Variants in NRG3 observed in about 807,000 individuals in gnomAD.
NRG3 encodes the protein neuregulin 3, also known as pro-neuregulin-3, membrane-bound isoform.
In NRG3, 31 loss-of-function variants were observed where a neutral mutation model predicts 66.9. The ratio of observed to expected loss-of-function variants is 0.46; its 90% confidence interval spans 0.35 to 0.63. The LOEUF is 0.63. Ranked by LOEUF, NRG3 falls within the 20% of genes least tolerant of loss-of-function variation. NRG3 has a pLI of 0.00. For missense variants in NRG3, 910 were observed against 878.9 expected (o/e 1.04, Z -0.45); for synonymous variants, 393 against 359.4 (o/e 1.09, Z -1.06).
intron 2 of NRG3, among the ~76,000 whole-genome samples, chr10:82,703,440 T>C (rs2056050580): frequency 6.6e-6 from 1 of 152,140 alleles, no homozygotes; most frequent in South Asian, 2.1e-4. Context: ...CCCAAATCAC[T>C]GTTGGGGGAA....
At chr10:82,763,316 G>A (rs1042417781) in intron 3 of NRG3, among the ~76,000 whole-genome samples, 2 of 152,122 alleles carry the variant, frequency 1.3e-5, no homozygotes, top group Non-Finnish European at 2.9e-5. Context: ...ATCCTGAAAT[G>A]CAGAAAGTAT....
intron 1 of NRG3, among the ~76,000 whole-genome samples, chr10:81,985,160 G>C (rs368891197): frequency 1.3e-5 from 2 of 152,168 alleles, no homozygotes; most frequent in African/African-American, 4.8e-5. Context: ...ACAATCCTTC[G>C]AGACAAGTGT....
chr10:82,005,053 A>G (rs890589755), intron 1 of NRG3, among the ~76,000 whole-genome samples: 1 of 152,254 alleles, frequency 6.6e-6, no homozygotes, highest in African/African-American at 2.4e-5. Flanking sequence ...AGAATTATAA[A>G]TGCCAGTTTA....
At chr10:81,930,077 A>G (rs1311345371) in intron 1 of NRG3, among the ~76,000 whole-genome samples, 1 of 152,126 alleles carries the variant, frequency 6.6e-6, no homozygotes, top group African/African-American at 2.4e-5. Context: ...TAGAGGGATT[A>G]CAGGAGGAGT....
At chr10:82,350,408 CCCA>C (rs2083357133) in intron 1 of NRG3, among the ~76,000 whole-genome samples, 1 of 152,130 alleles carries the variant, frequency 6.6e-6, no homozygotes, top group Non-Finnish European at 1.5e-5. Flanking sequence ...TCCCTAAGAT[CCCA>C]TAATCTAGTT....
At chr10:82,626,736 A>G (rs1207028505) in intron 2 of NRG3, among the ~76,000 whole-genome samples, 1 of 152,098 alleles carries the variant, frequency 6.6e-6, no homozygotes, top group Non-Finnish European at 1.5e-5. Flanking sequence ...TATTCCCAAA[A>G]TATTGAATTT....
At chr10:82,527,910 T>TA (rs1846874649) in intron 2 of NRG3, among the ~76,000 whole-genome samples, 1 of 142,876 alleles carries the variant, frequency 7.0e-6, no homozygotes, top group Non-Finnish European at 1.5e-5. Context: ...TATTGACATT[T>TA]GGACTAGATA....
At chr10:81,901,744 T>C in intron 1 of NRG3, among the ~76,000 whole-genome samples, 1 of 152,308 alleles carries the variant, frequency 6.6e-6, no homozygotes, top group South Asian at 2.1e-4. Flanking sequence ...AAATTCAATT[T>C]ATTATAAGAT....
chr10:82,086,697 TGGATCTTGGG>T (rs2065748096), intron 1 of NRG3, among the ~76,000 whole-genome samples: 1 of 152,170 alleles, frequency 6.6e-6, no homozygotes, highest in African/African-American at 2.4e-5. Context: ...AATTATGCAT[TGGATCTTGGG>T]CAGGAAAAAA....
In NRG3 at chr10:82,974,542, T is replaced by C. The variant is rs553446507; in HGVS notation, c.1412+627T>C. On this transcript the variant is annotated intron_variant, in intron 7 of 8. Coordinates refer to ENST00000372141, the MANE Select transcript of NRG3 (RefSeq NM_001010848.4). ...GTTATCAGGATTCTGAAACTCCAAATATTAAAGGTATTTGTTCTAAACCAA... is the reference window on the plus strand; with the variant it reads ...GTTATCAGGATTCTGAAACTCCAAACATTAAAGGTATTTGTTCTAAACCAA... Among the ~76,000 whole-genome samples the C allele has an allele frequency of 7.2e-5, 11 of 152,332 alleles. No individual in the cohort carries two copies. The South Asian group carries it at 2.3e-3, about 32-fold the overall frequency.
At chr10:82,961,739 A>C (rs1288294511) in intron 6 of NRG3, among the ~76,000 whole-genome samples, 1 of 152,230 alleles carries the variant, frequency 6.6e-6, no homozygotes, top group Admixed American at 6.5e-5. Flanking sequence ...AAAGTGGTAA[A>C]GAAGTTCACA....
At chr10:82,729,444 T>C (rs984510076) in intron 2 of NRG3, among the ~76,000 whole-genome samples, 2 of 140,174 alleles carry the variant, frequency 1.4e-5, no homozygotes, top group Admixed American at 6.9e-5. Flanking sequence ...TAAAAATAGA[T>C]TTTTTTTTAT....
At chr10:82,498,371 T>C (rs1399023293) in intron 2 of NRG3, among the ~76,000 whole-genome samples, 2 of 152,156 alleles carry the variant, frequency 1.3e-5, no homozygotes, top group South Asian at 2.1e-4. Context: ...CAGCACGTTT[T>C]ATATGAACTC....
chr10:82,544,240 G>T, intron 2 of NRG3, among the ~76,000 whole-genome samples: 1 of 152,174 alleles, frequency 6.6e-6, no homozygotes, highest in East Asian at 1.9e-4. Context: ...TATAATTAGG[G>T]TAGAGGTTAG....
intron 1 of NRG3, among the ~76,000 whole-genome samples, chr10:82,158,971 T>C (rs1337599259): frequency 2.0e-5 from 3 of 151,914 alleles, no homozygotes; most frequent in South Asian, 4.1e-4. Flanking sequence ...AACTTCTGCA[T>C]GAAGAGCATG....
At chr10:81,968,952 G>A (rs1445423589) in intron 1 of NRG3, among the ~76,000 whole-genome samples, 2 of 152,188 alleles carry the variant, frequency 1.3e-5, no homozygotes, top group East Asian at 3.9e-4. Context: ...AGAGTGCAGA[G>A]GGGCCAGATT....
chr10:82,195,253 A>G (rs1350251290), intron 1 of NRG3, among the ~76,000 whole-genome samples: 1 of 152,196 alleles, frequency 6.6e-6, no homozygotes, highest in African/African-American at 2.4e-5. Context: ...GCAATCTTGG[A>G]AAAAATCCTT....
chr10:82,334,238 G>C (rs1358066503), intron 1 of NRG3, among the ~76,000 whole-genome samples: 1 of 152,066 alleles, frequency 6.6e-6, no homozygotes, highest in Non-Finnish European at 1.5e-5. Flanking sequence ...AATAAGGGCA[G>C]CTTTCTCTCA....
chr10:82,958,920 T>A, intron 5 of NRG3, 29 bp from the exon 6 acceptor site: 2 of 1,528,178 alleles, frequency 1.3e-6, no homozygotes, highest in South Asian at 2.6e-5. Flanking sequence ...GTCATGCAAA[T>A]ATTTGTACAC....
Sources: gnomAD v4.1 joint callset for allele counts (sites outside exome capture counted in the v4.1 genomes callset) on GRCh38, gnomAD v4.1.1 for gene constraint, MANE v1.5 for transcripts, NCBI Gene and HGNC (gene_info 2026-07-23, HGNC 2026-07-21) for gene names.